ULK4: variants seen among roughly 807,000 people sequenced by gnomAD.
ULK4 encodes the protein inactive serine/threonine-protein kinase ULK4.
Under a neutral mutation model 160.6 loss-of-function variants are expected in ULK4, and 133 were observed. The observed-to-expected ratio is 0.83, with a 90% CI of 0.72 to 0.96. The LOEUF is 0.96. ULK4 is among the 40% of genes least tolerant of loss of function. The pLI is 0.00. For synonymous variants in ULK4, 534 were observed against 539.8 expected (o/e 0.99, Z 0.15); for missense variants, 1,580 against 1,499.5 (o/e 1.05, Z -0.89).
intron 19 of ULK4, among the ~76,000 whole-genome samples, chr3:41,809,667 A>G (rs2040759879): frequency 6.6e-6 from 1 of 152,040 alleles, no homozygotes. Flanking sequence ...TGTAGGTTCT[A>G]TTTGTTTCTG....
At chr3:41,539,640 C>T (rs1575381551) in intron 32 of ULK4, among the ~76,000 whole-genome samples, 1 of 152,228 alleles carries the variant, frequency 6.6e-6, no homozygotes, top group East Asian at 1.9e-4. Context: ...AGTAAGGACC[C>T]TGACAATTAT....
intron 17 of ULK4, among the ~76,000 whole-genome samples, chr3:41,862,786 C>T (rs867336629): frequency 8.5e-5 from 10 of 117,482 alleles, no homozygotes; most frequent in East Asian, 2.3e-4. Flanking sequence ...TCTCTCTCTC[C>T]GCTCCCCCCC....
intron 5 of ULK4, among the ~76,000 whole-genome samples, chr3:41,925,212 T>C (rs958133315): frequency 2.0e-5 from 3 of 152,176 alleles, no homozygotes; most frequent in Admixed American, 6.5e-5. Context: ...CAGGTTCATC[T>C]CACTGGGACT....
chr3:41,788,707 A>G (rs2040066250), intron 21 of ULK4, among the ~76,000 whole-genome samples: 1 of 144,768 alleles, frequency 6.9e-6, no homozygotes, highest in Non-Finnish European at 1.6e-5. Flanking sequence ...AAAGAAAAAA[A>G]GAAAAAGAAA....
chr3:41,705,354 AATAAAATAT>A, intron 25 of ULK4, 49 bp from the exon 26 acceptor site: 1 of 1,427,408 alleles, frequency 7.0e-7, no homozygotes, highest in African/African-American at 1.4e-5. Context: ...GTAACTCTGA[AATAAAATAT>A]AGGTAGTTTA....
At chr3:41,419,476 C>G (rs1251789007) in intron 34 of ULK4, among the ~76,000 whole-genome samples, 3 of 152,090 alleles carry the variant, frequency 2.0e-5, no homozygotes, top group Non-Finnish European at 2.9e-5. Flanking sequence ...GCTAAAGATA[C>G]AAATTTGGAA....
Position 41,619,795 on chromosome 3 carries a change from C to T in ULK4, c.3072-4078G>A, listed in dbSNP as rs150629420. ...AGCAGAACTGAAAGAGATGGAGACA[C>T]GAAAAACCCTTCAAAATAATCAATT... On this transcript the variant is annotated intron_variant, in intron 30 of 36. Transcript: ENST00000301831. Among the ~76,000 whole-genome samples, 786 of 152,074 alleles carry T rather than the reference C, an allele frequency of 5.2e-3. 5 individuals carry two copies. The highest frequency in any genetic ancestry group is 0.018 in the African/African-American group (753 of 41,496).
intron 7 of ULK4, among the ~76,000 whole-genome samples, chr3:41,917,703 C>T (rs1026834946): frequency 5.3e-5 from 8 of 152,080 alleles, no homozygotes; most frequent in South Asian, 2.1e-4. Flanking sequence ...ATTTTTAGGC[C>T]GGGCGCAGTG....
chr3:41,255,552 C>T (rs1196874738), intron 35 of ULK4, among the ~76,000 whole-genome samples: 1 of 137,556 alleles, frequency 7.3e-6, no homozygotes, highest in African/African-American at 2.5e-5. Flanking sequence ...GACATGCTAA[C>T]AGTAACCCAA....
At chr3:41,958,915 T>C (rs778591467) in intron 1 of ULK4, among the ~76,000 whole-genome samples, 3 of 152,244 alleles carry the variant, frequency 2.0e-5, no homozygotes, top group South Asian at 4.1e-4. Flanking sequence ...GGGATGGATA[T>C]GGCTGAGTTC....
intron 32 of ULK4, among the ~76,000 whole-genome samples, chr3:41,475,085 A>G (rs1337626833): frequency 6.6e-6 from 1 of 152,220 alleles, no homozygotes; most frequent in African/African-American, 2.4e-5. Flanking sequence ...TTATAGACTC[A>G]ATCTAGGTGT....
At chr3:41,642,671 G>A (rs1237514852) in intron 30 of ULK4, among the ~76,000 whole-genome samples, 1 of 152,166 alleles carries the variant, frequency 6.6e-6, no homozygotes, top group Non-Finnish European at 1.5e-5. Flanking sequence ...TGTCTTTATA[G>A]CAGCATGATT....
rs556925322 is a variant in ULK4, at chr3:41,692,097, G to A, written c.2782-10293C>T. 1.7e-4 allele frequency among the ~76,000 whole-genome samples: 25 copies of A among 151,182 alleles called. No individual in the cohort carries two copies. The East Asian group carries it at 4.1e-3, about 25-fold the overall frequency. On this transcript the variant is annotated intron_variant, in intron 27 of 36. Coordinates refer to ENST00000301831, the MANE Select transcript of ULK4 (RefSeq NM_017886.4). ...CTCCCAAGTGGCTGGGACTACAGGC[G>A]CCCACCACCGCCCCCGGCTAATTTT...
chr3:41,482,231 A>G (rs1326588066), intron 32 of ULK4, among the ~76,000 whole-genome samples: 1 of 152,160 alleles, frequency 6.6e-6, no homozygotes, highest in Non-Finnish European at 1.5e-5. Context: ...AGTCTGCACG[A>G]GGGCACTGGC....
intron 1 of ULK4, among the ~76,000 whole-genome samples, chr3:41,958,592 A>C (rs1314268098): frequency 6.6e-6 from 1 of 151,798 alleles, no homozygotes; most frequent in Non-Finnish European, 1.5e-5. Context: ...CGCACCTGTA[A>C]TCCCAGCTAC....
intron 18 of ULK4, among the ~76,000 whole-genome samples, chr3:41,835,629 C>T (rs895288472): frequency 6.6e-6 from 1 of 152,070 alleles, no homozygotes; most frequent in South Asian, 2.1e-4. Context: ...CTTCAAACCA[C>T]CTACATTCTA....
chr3:41,447,083 CAAAAAAAAA>C lies in ULK4; in HGVS notation c.3492+8405_3492+8413del, dbSNP rs756911141. On this transcript the variant is annotated intron_variant, in intron 34 of 36. Coordinates refer to ENST00000301831, the MANE Select transcript of ULK4 (RefSeq NM_017886.4). ...CGGGTGACAGAGCGAGACTCTGTCT[CAAAAAAAAA>C]AAAAAAAAAAAAAAAAAGACAAGAC... Among the ~76,000 whole-genome samples the C allele has an allele frequency of 7.5e-5, 4 of 53,682 alleles. No homozygotes were observed. The Admixed American group carries it at 1.0e-3, about 14-fold the overall frequency. 35.2% of individuals were successfully genotyped at this position (53,682 alleles called of 152,430 possible).
intron 31 of ULK4, among the ~76,000 whole-genome samples, chr3:41,572,140 TC>T (rs1338963127): frequency 6.6e-6 from 1 of 152,202 alleles, no homozygotes. Flanking sequence ...GCCAAACTCT[TC>T]ATTGGTGAAG....
intron 2 of ULK4, among the ~76,000 whole-genome samples, chr3:41,953,289 T>TAC (rs1473752682): frequency 0.13 from 14,580 of 115,450 alleles, 963 homozygotes; most frequent in Middle Eastern, 0.25. Flanking sequence ...TATACACATA[T>TAC]ATATATATAT....
Sources: allele counts gnomAD v4.1 joint callset (sites outside exome capture counted in the v4.1 genomes callset), GRCh38; gene constraint gnomAD v4.1.1; transcripts MANE v1.5; gene names NCBI Gene and HGNC (gene_info 2026-07-23, HGNC 2026-07-21).